The following STK24 variants were observed in gnomAD, a reference collection of about 807,000 sequenced individuals.
STK24 encodes the protein serine/threonine kinase 24.
A neutral mutation model predicts 55.6 loss-of-function variants in STK24; 21 were observed. The observed-to-expected ratio is 0.38, with a 90% confidence interval of 0.27 to 0.54. The LOEUF is 0.54. STK24 is among the 20% of genes least tolerant of loss of function. STK24 has a pLI of 0.79. For synonymous variants in STK24, 200 were observed against 215.2 expected (o/e 0.93, Z 0.62); for missense variants, 383 against 538.4 (o/e 0.71, Z 2.86).
chr13:98,566,336 G>A lies in STK24; in HGVS notation c.42+10409C>T, dbSNP rs181401625. On this transcript the variant is annotated intron_variant, in intron 1 of 10. Coordinates refer to ENST00000539966, the MANE Select transcript of STK24 (RefSeq NM_001032296.4). ...ATGGAGGCTGGAGGGACAATGTGAC[G>A]GTCAGGAGGGCAGAGCTGTGTTGGG... Among the ~76,000 whole-genome samples, 448 of 152,328 alleles carry A rather than the reference G, an allele frequency of 2.9e-3. 4 individuals are homozygous for A. The highest frequency in any genetic ancestry group is 5.3e-3 in the Non-Finnish European group (359 of 68,028).
chr13:98,536,209 AC>A (rs1896731615), intron 1 of STK24, among the ~76,000 whole-genome samples: 1 of 152,146 alleles, frequency 6.6e-6, no homozygotes, highest in Non-Finnish European at 1.5e-5. Context: ...GCAAGAGGGA[AC>A]GTGAGCAATC....
At chr13:98,556,260 A>G (rs760347447) in intron 1 of STK24, among the ~76,000 whole-genome samples, 10 of 152,240 alleles carry the variant, frequency 6.6e-5, no homozygotes, top group Non-Finnish European at 1.5e-4. Context: ...TAGGACGCTC[A>G]GCATTGCCTA....
intron 1 of STK24, among the ~76,000 whole-genome samples, chr13:98,521,396 C>T (rs1242652049): frequency 1.3e-5 from 2 of 152,076 alleles, no homozygotes; most frequent in Admixed American, 6.6e-5. Context: ...AAACACAGTC[C>T]AAGACTCCTG....
intron 2 of STK24, among the ~76,000 whole-genome samples, chr13:98,486,145 T>C (rs1306894887): frequency 6.0e-5 from 9 of 150,598 alleles, no homozygotes; most frequent in Middle Eastern, 3.4e-3. Context: ...CCATGGCACA[T>C]CTATACCTAT....
intron 2 of STK24, among the ~76,000 whole-genome samples, chr13:98,504,718 C>T (rs1294309510): frequency 6.6e-6 from 1 of 152,194 alleles, no homozygotes; most frequent in Non-Finnish European, 1.5e-5. Flanking sequence ...AGCTTGCTTT[C>T]TCTCCATTCA....
At chr13:98,521,954 G>A in intron 1 of STK24, 1 of 1,344,758 alleles carries the variant, frequency 7.4e-7, no homozygotes, top group Non-Finnish European at 1.0e-6. Context: ...ACATGCTCCA[G>A]TTTCTCCCAT....
intron 2 of STK24, among the ~76,000 whole-genome samples, chr13:98,516,636 C>T (rs1195210761): frequency 1.3e-5 from 2 of 152,212 alleles, no homozygotes; most frequent in Non-Finnish European, 2.9e-5. Flanking sequence ...ACTTCCCACA[C>T]GTGAGCCTCC....
intron 2 of STK24, among the ~76,000 whole-genome samples, chr13:98,502,926 T>C (rs1372069802): frequency 4.0e-5 from 6 of 151,880 alleles, no homozygotes; most frequent in Admixed American, 2.6e-4. Context: ...AGGAAACACC[T>C]GAGAGGACTA....
rs766582910 is a variant in STK24, at chr13:98,446,089, G to A, written c.*7084C>T. On this transcript the variant is annotated 3_prime_UTR_variant, in exon 11 of 11. Transcript: ENST00000539966. ...CGCTGTGCTTCTCACAGGCCTCCTT[G>A]CCTTTCAGAATCAGTTGTCTGGAAA... 1.1e-4 allele frequency: 184 copies of A among 1,603,880 alleles called. 3 individuals are homozygous for A. In the South Asian group the frequency reaches 2.0e-3, roughly 17 times the overall value.
At chr13:98,554,172 C>A (rs1462916521) in intron 1 of STK24, among the ~76,000 whole-genome samples, 3 of 151,888 alleles carry the variant, frequency 2.0e-5, no homozygotes, top group Non-Finnish European at 4.4e-5. Context: ...TTTAAGCCCC[C>A]CATATGCAAC....
intron 8 of STK24, among the ~76,000 whole-genome samples, chr13:98,460,805 C>T (rs538181469): frequency 2.6e-5 from 4 of 151,666 alleles, no homozygotes; most frequent in Admixed American, 6.6e-5. Context: ...TTTGGGAAGC[C>T]GAAGCAGGAG....
chr13:98,461,924 A>G, intron 7 of STK24, 27 bp from the exon 8 acceptor site: 1 of 1,612,104 alleles, frequency 6.2e-7, no homozygotes, highest in East Asian at 2.2e-5. Flanking sequence ...AGGAAATCCC[A>G]TCAGTGCTCG....
At chr13:98,500,423 G>A (rs189091314) in intron 2 of STK24, among the ~76,000 whole-genome samples, 15 of 152,124 alleles carry the variant, frequency 9.9e-5, no homozygotes, top group African/African-American at 3.1e-4. Context: ...AGAGGGGAGG[G>A]GTGTCCCACA....
At chr13:98,568,467 T>A (rs1049850547) in intron 1 of STK24, among the ~76,000 whole-genome samples, 1 of 151,864 alleles carries the variant, frequency 6.6e-6, no homozygotes, top group African/African-American at 2.4e-5. Context: ...GCTCCCAAAG[T>A]CAAGGAAATG....
chr13:98,463,423 G>A (rs1292613463), intron 7 of STK24, among the ~76,000 whole-genome samples: 2 of 152,028 alleles, frequency 1.3e-5, no homozygotes, highest in Non-Finnish European at 2.9e-5. Context: ...AGAACAGAAC[G>A]AAACAAAACA....
chr13:98,559,393 G>A (rs539532433), intron 1 of STK24, among the ~76,000 whole-genome samples: 1 of 152,254 alleles, frequency 6.6e-6, no homozygotes, highest in South Asian at 2.1e-4. Context: ...CCCTGCACAC[G>A]CTCTCTTGCC....
chr13:98,503,148 CAA>C lies in STK24; in HGVS notation c.273+16093_273+16094del, dbSNP rs150460261. Among the ~76,000 whole-genome samples, 897 of 150,508 alleles carry C rather than the reference CAA, an allele frequency of 6.0e-3. 3 individuals are homozygous for C. The highest frequency in any genetic ancestry group is 0.011 in the Non-Finnish European group (719 of 67,808). On this transcript the variant is annotated intron_variant, in intron 2 of 10. Coordinates refer to ENST00000539966, the MANE Select transcript of STK24 (RefSeq NM_001032296.4). ...TTTTCAACAGGAGATCCCAATTTAC[CAA>C]GAGAGTGTTTTTTAAAAAAAACAAG...
Position 98,549,347 on chromosome 13 carries a change from T to C in STK24, c.42+27398A>G, listed in dbSNP as rs533724000. On this transcript the variant is annotated intron_variant, in intron 1 of 10. Transcript: ENST00000539966. ...CCTCATGGATGGCACCTCCTAGCTCTGTCCTCACATAGCAGAAGGGACAAA... is the reference window on the plus strand; with the variant it reads ...CCTCATGGATGGCACCTCCTAGCTCCGTCCTCACATAGCAGAAGGGACAAA... Among the ~76,000 whole-genome samples, 7 of 152,338 alleles carry C rather than the reference T, an allele frequency of 4.6e-5. No homozygotes were observed. In the East Asian group the frequency reaches 1.2e-3, roughly 25 times the overall value.
At chr13:98,466,619 T>C (rs1893935901) in intron 5 of STK24, 58 bp from the exon 6 acceptor site, 11 of 1,544,282 alleles carry the variant, frequency 7.1e-6, no homozygotes, top group Non-Finnish European at 9.6e-6. Flanking sequence ...CAATACACAG[T>C]ATTTAGGGGG....
Sources: allele counts gnomAD v4.1 joint callset (sites outside exome capture counted in the v4.1 genomes callset), GRCh38; gene constraint gnomAD v4.1.1; transcripts MANE v1.5; gene names NCBI Gene and HGNC (gene_info 2026-07-23, HGNC 2026-07-21).